SRGAP3: variants seen among roughly 807,000 people sequenced by gnomAD.
SRGAP3 encodes the protein SLIT-ROBO Rho GTPase-activating protein 3.
A neutral mutation model predicts 121.1 loss-of-function variants in SRGAP3; 39 were observed. The ratio of observed to expected loss-of-function variants is 0.32; its 90% confidence interval spans 0.25 to 0.42. The LOEUF is 0.42. SRGAP3 is among the 10% of genes least tolerant of loss of function. The pLI, the probability that SRGAP3 is intolerant of heterozygous loss-of-function variation, is 1.00. For synonymous variants in SRGAP3, 601 were observed against 570.0 expected (o/e 1.05, Z -0.77); for missense variants, 1,213 against 1,470.6 (o/e 0.82, Z 2.86).
chr3:9,247,817 C>T (rs1198032533), intron 1 of SRGAP3, among the ~76,000 whole-genome samples: 1 of 152,218 alleles, frequency 6.6e-6, no homozygotes, highest in South Asian at 2.1e-4. Context: ...AGAAAGCGGA[C>T]GCCAAGAGGC....
intron 3 of SRGAP3, among the ~76,000 whole-genome samples, chr3:9,103,379 A>G (rs1373131600): frequency 2.0e-5 from 3 of 152,124 alleles, no homozygotes; most frequent in Non-Finnish European, 4.4e-5. Context: ...AGCACCTACT[A>G]AGTGCCAAGT....
Position 8,983,063 on chromosome 3 carries a change from G to C in SRGAP3, c.*2456C>G. On this transcript the variant is annotated 3_prime_UTR_variant, in exon 22 of 22. Coordinates refer to ENST00000383836, the MANE Select transcript of SRGAP3 (RefSeq NM_014850.4). ...TGGCAGATTGCTATATTTTGCCTGGGAGGCTACTGGATTTAGGATCTGGGA... is the reference window on the plus strand; with the variant it reads ...TGGCAGATTGCTATATTTTGCCTGGCAGGCTACTGGATTTAGGATCTGGGA... 4.4e-6 allele frequency: 1 copy of C among 227,440 alleles called. No homozygotes were observed. Among genetic ancestry groups the C allele is most frequent in the Non-Finnish European group, 8.7e-6 (1 of 114,412 alleles). The allele number at this position is 227,440 out of a possible 1,614,324, so 14.1% of individuals were successfully genotyped here.
chr3:9,286,665 C>T (rs34937600), intron 3 of SRGAP3, among the ~76,000 whole-genome samples: 4 of 150,838 alleles, frequency 2.7e-5, no homozygotes, highest in South Asian at 2.1e-4. Context: ...TGCAGTGGCG[C>T]GATCTCGGCT....
intron 1 of SRGAP3, among the ~76,000 whole-genome samples, chr3:9,132,103 G>A (rs1212432164): frequency 1.3e-5 from 2 of 151,886 alleles, no homozygotes; most frequent in African/African-American, 4.8e-5. Context: ...TTAATTAATG[G>A]GCTATTTTTA....
rs369372443 is a variant in SRGAP3 at position 8,993,297 on chromosome 3, C to G, written c.2409-242G>C. On this transcript the variant is annotated intron_variant, in intron 19 of 21. Coordinates refer to ENST00000383836, the MANE Select transcript of SRGAP3 (RefSeq NM_014850.4). ...TCCCACACCTACCTCCTCCTTTTTT[C>G]TCTTCTAGCTTGTTCATTCCCAGGC... is the stretch of plus-strand genomic sequence containing the variant. Among the ~76,000 whole-genome samples the G allele has an allele frequency of 3.5e-4, 54 of 152,310 alleles. 1 individual carries two copies. Among genetic ancestry groups the G allele is most frequent in the African/African-American group, 1.3e-3 (53 of 41,566 alleles).
Position 8,985,237 on chromosome 3 carries a change from A to G in SRGAP3, c.*282T>C. 1 of 521,074 alleles carries G rather than the reference A, an allele frequency of 1.9e-6. No homozygotes were observed. Among genetic ancestry groups the G allele is most frequent in the Non-Finnish European group, 3.4e-6 (1 of 295,854 alleles). The allele number at this position is 521,074 out of a possible 1,614,324, so 32.3% of individuals were successfully genotyped here. ...CCAGTGACGATATGCGGGAGAAGCC[A>G]TGTGGTATTTTGCCTCCATGTTAGG... On this transcript the variant is annotated 3_prime_UTR_variant, in exon 22 of 22. Transcript: ENST00000383836. This position sits in a 1 kb window ranked among gnomAD's most constrained non-coding sequence, Gnocchi z 5.1.
At chr3:9,208,997 T>C (rs370293067) in intron 1 of SRGAP3, among the ~76,000 whole-genome samples, 1 of 152,238 alleles carries the variant, frequency 6.6e-6, no homozygotes, top group Non-Finnish European at 1.5e-5. Flanking sequence ...CACTAATACA[T>C]GGAGACTGGG....
chr3:9,144,337 T>C (rs1016803586), intron 1 of SRGAP3, among the ~76,000 whole-genome samples: 5 of 152,226 alleles, frequency 3.3e-5, no homozygotes, highest in African/African-American at 1.2e-4. Flanking sequence ...CCCCTAGCCT[T>C]CTCTCTTCCC....
At position 9,053,222 on chromosome 3, in the gene SRGAP3, A is replaced by G. The variant is rs1229644679; in HGVS notation, c.1128T>C (p.Val376=). Residue 376 remains valine, a splice_region_variant and synonymous_variant, in exon 9 of 22, where the codon GTT becomes GTC. Transcript: ENST00000383836. ...LATLKIENEE[V]RKTLDATMQT... is the part of the protein sequence containing the mutation. ...GCATGGTGGCATCCAGGGTTTTCCT[A>G]ACCTGGGGAAACACAGCAGATTGAC... 9.3e-6 allele frequency: 15 copies of G among 1,613,582 alleles called. No individual in the cohort carries two copies. The highest frequency in any genetic ancestry group is 1.3e-5 in the Non-Finnish European group (15 of 1,179,768).
At chr3:9,352,027 C>A in intron 1 of SRGAP3, among the ~76,000 whole-genome samples, 1 of 152,162 alleles carries the variant, frequency 6.6e-6, no homozygotes, top group East Asian at 1.9e-4. Context: ...CAACAGACAA[C>A]CTGGAACCAG....
intron 21 of SRGAP3, among the ~76,000 whole-genome samples, chr3:8,988,058 A>G (rs1330536175): frequency 2.0e-5 from 3 of 151,924 alleles, no homozygotes; most frequent in Non-Finnish European, 4.4e-5. Flanking sequence ...GCAGAAAGAC[A>G]GGAAGTTCAG....
intron 3 of SRGAP3, among the ~76,000 whole-genome samples, chr3:9,278,660 G>A (rs928912743): frequency 6.6e-6 from 1 of 152,282 alleles, no homozygotes; most frequent in African/African-American, 2.4e-5. Flanking sequence ...ACAGTCATGG[G>A]AGCCAAGAGA....
chr3:9,270,945 T>G (rs1954464118), intron 3 of SRGAP3, among the ~76,000 whole-genome samples: 1 of 152,206 alleles, frequency 6.6e-6, no homozygotes, highest in Non-Finnish European at 1.5e-5. Context: ...GTGTATGCTG[T>G]GCTGCCCAGA....
At chr3:9,123,664 C>T (rs1949105342) in intron 2 of SRGAP3, among the ~76,000 whole-genome samples, 1 of 151,460 alleles carries the variant, frequency 6.6e-6, no homozygotes, top group African/African-American at 2.4e-5. Flanking sequence ...GAGATCATGC[C>T]ACTGCACTCC....
chr3:9,233,464 G>A lies in SRGAP3; in HGVS notation c.67+15421C>T, dbSNP rs949512201. Among the ~76,000 whole-genome samples, 110 of 152,246 alleles carry A rather than the reference G, an allele frequency of 7.2e-4. 5 individuals are homozygous for A. Among genetic ancestry groups the A allele is most frequent in the Non-Finnish European group, 3.1e-4 (21 of 68,018 alleles). ...TTCACCTTAAAAGCACTCATCCCAC[G>A]ATGGTATTTACCATCCTGAATAGAG... is the stretch of plus-strand genomic sequence containing the variant. On this transcript the variant is annotated intron_variant, in intron 1 of 21. Coordinates refer to ENST00000383836, the MANE Select transcript of SRGAP3 (RefSeq NM_014850.4).
intron 3 of SRGAP3, among the ~76,000 whole-genome samples, chr3:9,273,276 G>T (rs538157120): frequency 2.0e-5 from 3 of 152,122 alleles, no homozygotes; most frequent in Non-Finnish European, 4.4e-5. Flanking sequence ...TCTGCTCTGC[G>T]GCCCAGTTCC....
In SRGAP3 at chr3:8,985,498, C is replaced by G; in HGVS notation, c.*21G>C. On this transcript the variant is annotated 3_prime_UTR_variant, in exon 22 of 22. Transcript: ENST00000383836. The surrounding 1 kb of genome is among the most constrained non-coding windows in gnomAD (Gnocchi z 5.1). Reference sequence around the variant, plus strand: ...CGTGGTGAGCCACAGCGGGCCACGGCGGCGCGGCCCATCCTGCAGGTCACA... The same window carrying G: ...CGTGGTGAGCCACAGCGGGCCACGGGGGCGCGGCCCATCCTGCAGGTCACA... 6.3e-7 allele frequency: 1 copy of G among 1,597,764 alleles called. No individual in the cohort carries two copies. Among genetic ancestry groups the G allele is most frequent in the Non-Finnish European group, 8.5e-7 (1 of 1,179,116 alleles).
At chr3:9,011,972 G>A (rs575815006) in intron 17 of SRGAP3, among the ~76,000 whole-genome samples, 122 of 152,314 alleles carry the variant, frequency 8.0e-4, no homozygotes, top group African/African-American at 2.9e-3. Context: ...ATATATTGCA[G>A]CAAGAAAAGA....
chr3:9,319,067 A>C (rs971372305), intron 3 of SRGAP3, among the ~76,000 whole-genome samples: 11 of 151,928 alleles, frequency 7.2e-5, no homozygotes, highest in African/African-American at 2.4e-4. Context: ...TTTTAAATAC[A>C]TACACACACA....
Sources: allele counts gnomAD v4.1 joint callset (sites outside exome capture counted in the v4.1 genomes callset), GRCh38; gene constraint gnomAD v4.1.1; non-coding constraint Gnocchi (gnomAD v3.1); transcripts MANE v1.5; gene names NCBI Gene and HGNC (gene_info 2026-07-23, HGNC 2026-07-21).